The following ANXA8 variants were observed in gnomAD, a reference collection of about 807,000 sequenced individuals.
ANXA8 encodes the protein annexin A8, also known as VAC-beta.
ANXA8 carries 9 observed loss-of-function variants against 26.8 expected under a neutral mutation model. The ratio of observed to expected loss-of-function variants is 0.34; its 90% CI spans 0.20 to 0.59. ANXA8 has a LOEUF of 0.59. Ranked by LOEUF, ANXA8 falls within the 20% of genes least tolerant of loss-of-function variation. The pLI is 0.84. For synonymous variants in ANXA8, 39 were observed against 94.8 expected (o/e 0.41, Z 3.42); for missense variants, 83 against 238.5 (o/e 0.35, Z 4.29).
chr10:47,704,318 A>G, the ANXA8 span, among the ~76,000 whole-genome samples: 3 of 143,434 alleles, frequency 2.1e-5, no homozygotes, highest in African/African-American at 5.0e-5. Flanking sequence ...AAAGAGCTGT[A>G]TACGATCATC....
the ANXA8 span, among the ~76,000 whole-genome samples, chr10:47,535,487 A>G: frequency 3.6e-5 from 5 of 140,722 alleles, no homozygotes; most frequent in African/African-American, 1.5e-4. Flanking sequence ...TTTCAATAAA[A>G]TAAAACTAAT....
the ANXA8 span, among the ~76,000 whole-genome samples, chr10:47,509,855 T>G: frequency 1.6e-4 from 21 of 131,768 alleles, 1 homozygote; most frequent in Non-Finnish European, 3.4e-4. Flanking sequence ...GGGCCTATGA[T>G]GCATTGAAAA....
At chr10:47,690,999 T>C in the ANXA8 span, 47 of 1,611,262 alleles carry the variant, frequency 2.9e-5, no homozygotes, top group Non-Finnish European at 4.0e-5. Flanking sequence ...AAATCATTAA[T>C]AAAAAACTGT....
the ANXA8 span, among the ~76,000 whole-genome samples, chr10:47,508,984 A>G: frequency 2.3e-5 from 3 of 132,458 alleles, no homozygotes; most frequent in African/African-American, 1.0e-4. Context: ...CTTGAAGCCA[A>G]TTTGCCCTAT....
chr10:47,777,945 C>T, the ANXA8 span, among the ~76,000 whole-genome samples: 87 of 151,630 alleles, frequency 5.7e-4, 1 homozygote, highest in Non-Finnish European at 1.0e-3. Flanking sequence ...TTGCAGCCCA[C>T]TTTTTGCAGG....
chr10:47,949,660 C>A, the ANXA8 span, among the ~76,000 whole-genome samples: 4 of 150,440 alleles, frequency 2.7e-5, no homozygotes, highest in Admixed American at 6.6e-5. Flanking sequence ...GTTGTAAGGT[C>A]TTACATTGTA....
chr10:47,476,930 TGCCTGCTCACTGG>T, intron 4 of ANXA8, 138 bp downstream of exon 4: 5 of 1,041,368 alleles, frequency 4.8e-6, no homozygotes, highest in Non-Finnish European at 6.9e-6. Flanking sequence ...AGCAGCAGGC[TGCCTGCTCACTGG>T]GCCCAGTTAT....
At chr10:47,572,688 GC>G in the ANXA8 span, among the ~76,000 whole-genome samples, 1 of 136,732 alleles carries the variant, frequency 7.3e-6, no homozygotes, top group Non-Finnish European at 1.6e-5. Context: ...TTGTACTCCA[GC>G]CTGGGCAACA....
At chr10:47,753,127 A>AT in the ANXA8 span, 1 of 980,810 alleles carries the variant, frequency 1.0e-6, no homozygotes, top group African/African-American at 1.8e-5. Flanking sequence ...AAAATAAAAA[A>AT]AAAAAAGAAA....
At chr10:47,700,168 A>G in the ANXA8 span, among the ~76,000 whole-genome samples, 1 of 151,948 alleles carries the variant, frequency 6.6e-6, no homozygotes, top group South Asian at 2.1e-4. Context: ...TCATATGGGA[A>G]AACAGACATG....
chr10:47,747,179 C>T, the ANXA8 span, among the ~76,000 whole-genome samples: 9 of 151,548 alleles, frequency 5.9e-5, no homozygotes, highest in African/African-American at 1.5e-4. Flanking sequence ...TTTGGGCAGA[C>T]GGCCATAGCT....
the ANXA8 span, among the ~76,000 whole-genome samples, chr10:47,756,419 C>T: frequency 2.3e-5 from 3 of 131,246 alleles, no homozygotes; most frequent in Non-Finnish European, 3.2e-5. Context: ...GGCGGGGCTC[C>T]GCTCCCTTCC....
the ANXA8 span, among the ~76,000 whole-genome samples, chr10:47,671,447 C>CAA: frequency 2.0e-5 from 3 of 151,898 alleles, no homozygotes; most frequent in Admixed American, 6.6e-5. Context: ...CAAAACAAAA[C>CAA]AAAACAAAAC....
chr10:47,515,934 G>C, the ANXA8 span, among the ~76,000 whole-genome samples: 1 of 119,970 alleles, frequency 8.3e-6, no homozygotes, highest in Non-Finnish European at 1.7e-5. Context: ...AAGCCTCCAA[G>C]AAAAGAGATC....
At chr10:47,704,817 G>A in the ANXA8 span, among the ~76,000 whole-genome samples, 1 of 152,042 alleles carries the variant, frequency 6.6e-6, no homozygotes, top group Non-Finnish European at 1.5e-5. Flanking sequence ...AACAAAGTAT[G>A]TGCAAGACCT....
the ANXA8 span, among the ~76,000 whole-genome samples, chr10:47,989,733 C>T: frequency 9.3e-4 from 88 of 94,754 alleles, 8 homozygotes; most frequent in African/African-American, 2.8e-3. Context: ...AGCTGCCACG[C>T]CTTGGCCTTC....
the ANXA8 span, among the ~76,000 whole-genome samples, chr10:47,755,332 T>C: frequency 4.6e-5 from 7 of 152,232 alleles, no homozygotes; most frequent in Admixed American, 3.9e-4. Flanking sequence ...CTCGGCTCAC[T>C]GCAAGCTCCG....
At chr10:47,899,025 A>G in the ANXA8 span, among the ~76,000 whole-genome samples, 4 of 150,880 alleles carry the variant, frequency 2.7e-5, no homozygotes, top group East Asian at 2.0e-4. Context: ...TTTAGTATAG[A>G]TGGAGTTTTG....
At chr10:47,574,236 C>T in the ANXA8 span, among the ~76,000 whole-genome samples, 1 of 61,492 alleles carries the variant, frequency 1.6e-5, no homozygotes, top group African/African-American at 5.3e-5. Context: ...CTGCCTCAGC[C>T]TCCCGAGTAG....
Sources: allele counts gnomAD v4.1 joint callset (sites outside exome capture counted in the v4.1 genomes callset), GRCh38; gene constraint gnomAD v4.1.1; transcripts MANE v1.5; gene names NCBI Gene and HGNC (gene_info 2026-07-23, HGNC 2026-07-21).